The following POLA1 variants were observed in gnomAD, a reference collection of about 807,000 sequenced individuals.
POLA1 encodes the protein DNA polymerase alpha 1, catalytic subunit.
A neutral mutation model predicts 124.0 loss-of-function variants in POLA1; 15 were observed. The observed-to-expected ratio is 0.12, with a 90% CI of 0.08 to 0.19. The LOEUF is 0.19. POLA1 is among the 10% of genes least tolerant of loss of function. The probability of loss-of-function intolerance (pLI) is 1.00; values close to 1 mark genes in which losing one functional copy is unlikely to be tolerated. For synonymous variants in POLA1, 408 were observed against 389.4 expected (o/e 1.05, Z -0.56); for missense variants, 886 against 1,103.4 (o/e 0.80, Z 2.79).
At chrX:24,709,090 A>G (rs1929070749) in intron 4 of POLA1, among the ~76,000 whole-genome samples, 1 of 81,059 alleles carries the variant, frequency 1.2e-5, no homozygotes, top group African/African-American at 4.3e-5. Flanking sequence ...TCCCTCCCGG[A>G]CGGGGCGGCT....
chrX:24,951,269 G>T (rs1268797981), intron 36 of POLA1, among the ~76,000 whole-genome samples: 96 of 89,751 alleles, frequency 1.1e-3, no homozygotes, highest in Non-Finnish European at 1.6e-3. Context: ...CTGGTGATTA[G>T]GAGTAGGCTT....
At chrX:24,932,370 G>A (rs1244668295) in intron 36 of POLA1, among the ~76,000 whole-genome samples, 1 of 112,293 alleles carries the variant, frequency 8.9e-6, no homozygotes, top group Admixed American at 9.4e-5. Flanking sequence ...GGCATGTAGA[G>A]GAGTGATCTG....
chrX:24,836,156 C>T (rs1289904161), intron 32 of POLA1, among the ~76,000 whole-genome samples: 3 of 112,022 alleles, frequency 2.7e-5, no homozygotes, highest in South Asian at 3.7e-4. Flanking sequence ...GTCTAGACTA[C>T]TTTTACTGAA....
chrX:24,841,574 A>T, intron 32 of POLA1, 78 bp from the exon 33 acceptor site: 1 of 560,562 alleles, frequency 1.8e-6, no homozygotes, highest in Admixed American at 4.6e-5. Context: ...ATTTAAAATA[A>T]TTTTTTGTGG....
chrX:24,729,665 G>A (rs754792803), intron 15 of POLA1, among the ~76,000 whole-genome samples: 29 of 111,116 alleles, frequency 2.6e-4, no homozygotes, highest in Non-Finnish European at 4.3e-4. Flanking sequence ...CGTGACTGAT[G>A]CTTTATTTAT....
intron 2 of POLA1, among the ~76,000 whole-genome samples, chrX:24,701,624 C>T (rs775875799): frequency 6.4e-5 from 7 of 108,891 alleles, no homozygotes; most frequent in African/African-American, 1.3e-4. Context: ...TTAGTAGAGA[C>T]GGGGTTTCAC....
intron 32 of POLA1, among the ~76,000 whole-genome samples, chrX:24,827,886 T>C (rs771084500): frequency 1.8e-5 from 2 of 112,123 alleles, no homozygotes; most frequent in Non-Finnish European, 3.8e-5. Flanking sequence ...ATATACTTAG[T>C]GCTCAACTAC....
rs183630881 is a variant in POLA1 at position 24,874,399 on chromosome X, A to G, written c.4048-13607A>G. ...GTAAACCATTTAGTTCTTGTAATAC[A>G]ATTAAGTCAGATTTGAGGCTTTGAT... On this transcript the variant is annotated intron_variant, in intron 34 of 36. Coordinates refer to ENST00000379068, the MANE Select transcript of POLA1 (RefSeq NM_001330360.2). Among the ~76,000 whole-genome samples the G allele has an allele frequency of 3.8e-3, 427 of 112,268 alleles. 3 individuals carry two copies. The highest frequency in any genetic ancestry group is 0.023 in the Middle Eastern group (5 of 216).
intron 36 of POLA1, among the ~76,000 whole-genome samples, chrX:24,951,354 C>A (rs925714177): frequency 1.2e-5 from 1 of 81,322 alleles, no homozygotes; most frequent in African/African-American, 4.2e-5. Flanking sequence ...CCCCCCCCCC[C>A]CCCCACCAAA....
chrX:24,845,016 C>T (rs1451043663), intron 34 of POLA1, among the ~76,000 whole-genome samples: 1 of 111,837 alleles, frequency 8.9e-6, no homozygotes, highest in East Asian at 2.8e-4. Context: ...CTAGAAGAAA[C>T]TTATCTATTT....
chrX:24,888,600 G>GTTTTTT (rs869301308), intron 35 of POLA1, among the ~76,000 whole-genome samples: 1 of 49,169 alleles, frequency 2.0e-5, no homozygotes, highest in African/African-American at 9.0e-5. Flanking sequence ...TTGTTTGCTT[G>GTTTTTT]TTTTTTTTTT....
chrX:24,802,979 A>G (rs2045741627), intron 26 of POLA1, among the ~76,000 whole-genome samples: 1 of 111,714 alleles, frequency 9.0e-6, no homozygotes, highest in Non-Finnish European at 1.9e-5. Context: ...AGCCTGGGCG[A>G]CAGAGCAAGA....
intron 36 of POLA1, among the ~76,000 whole-genome samples, chrX:24,939,939 G>C (rs766114777): frequency 5.1e-4 from 57 of 111,913 alleles, no homozygotes; most frequent in African/African-American, 1.8e-3. Context: ...CTATAATTCT[G>C]TAATGTGAAT....
At chrX:24,913,983 G>A (rs1463496880) in intron 35 of POLA1, among the ~76,000 whole-genome samples, 2 of 110,609 alleles carry the variant, frequency 1.8e-5, no homozygotes, top group African/African-American at 6.6e-5. Flanking sequence ...AGCCAAGATC[G>A]TACCATTGCC....
rs200418135 is a variant in POLA1 at position 24,797,315 on chromosome X, A to AT, written c.2965-12573dup. 3.5e-3 allele frequency among the ~76,000 whole-genome samples: 376 copies of AT among 108,465 alleles called. 2 individuals carry two copies. Among genetic ancestry groups the AT allele is most frequent in the African/African-American group, 0.011 (339 of 29,896 alleles). 94.2% of individuals were successfully genotyped at this position (108,465 alleles called of 115,157 possible). On this transcript the variant is annotated intron_variant, in intron 26 of 36. Coordinates refer to ENST00000379068, the MANE Select transcript of POLA1 (RefSeq NM_001330360.2). ...AAAAAATTTGTTTTTTTAAAACTTA[A>AT]TTTTTTTTTTACTCACCATTCAGCA...
intron 35 of POLA1, among the ~76,000 whole-genome samples, chrX:24,901,365 A>G (rs2047275853): frequency 9.0e-6 from 1 of 111,329 alleles, no homozygotes; most frequent in Non-Finnish European, 1.9e-5. Flanking sequence ...AGCTAGTATA[A>G]AGGGCCTAAG....
At chrX:24,909,403 C>G (rs1300217563) in intron 35 of POLA1, among the ~76,000 whole-genome samples, 3 of 111,798 alleles carry the variant, frequency 2.7e-5, no homozygotes, top group South Asian at 7.5e-4. Flanking sequence ...ATCTTGAATT[C>G]ATTTTTGTAT....
chrX:24,908,214 T>C (rs2047394533), intron 35 of POLA1, among the ~76,000 whole-genome samples: 1 of 111,174 alleles, frequency 9.0e-6, no homozygotes, highest in Admixed American at 9.5e-5. Flanking sequence ...ACTCACTTTA[T>C]TTTTATTTTT....
intron 26 of POLA1, among the ~76,000 whole-genome samples, chrX:24,763,414 G>C (rs1462806436): frequency 9.0e-6 from 1 of 111,105 alleles, no homozygotes; most frequent in Non-Finnish European, 1.9e-5. Context: ...GCAGGAGGAG[G>C]GAAAGATGAA....
Sources: allele counts gnomAD v4.1 joint callset (sites outside exome capture counted in the v4.1 genomes callset), GRCh38; gene constraint gnomAD v4.1.1; transcripts MANE v1.5; gene names NCBI Gene and HGNC (gene_info 2026-07-23, HGNC 2026-07-21).